CACNA1G: variants seen among roughly 807,000 people sequenced by gnomAD.
The protein encoded by CACNA1G is voltage-dependent T-type calcium channel subunit alpha-1G.
A neutral mutation model predicts 219.4 loss-of-function variants in CACNA1G; 67 were observed. The ratio of observed to expected loss-of-function variants is 0.31; its 90% CI spans 0.25 to 0.37. The LOEUF (loss-of-function observed/expected upper bound fraction) is 0.37. Among genes scored for constraint, CACNA1G ranks in the 10% least tolerant of loss-of-function variants. The pLI is 1.00. For synonymous variants in CACNA1G, 1,296 were observed against 1,345.3 expected (o/e 0.96, Z 0.80); for missense variants, 2,380 against 3,231.4 (o/e 0.74, Z 6.39).
chr17:50,622,004 T>C (rs1567782548), intron 35 of CACNA1G, among the ~76,000 whole-genome samples: 1 of 152,054 alleles, frequency 6.6e-6, no homozygotes, highest in Non-Finnish European at 1.5e-5. Flanking sequence ...AGAGATTAGA[T>C]AAGTTTAAAT....
rs759299621 is a variant in CACNA1G, at chr17:50,596,519, A to G, written c.2980-43A>G. 3 of 1,561,102 alleles carry G rather than the reference A, an allele frequency of 1.9e-6. No individual in the cohort carries two copies. The African/African-American group carries it at 4.1e-5, about 21-fold the overall frequency. ...AGGCCCGGTCCATCCCAACCACCCA[A>G]GCCTGGCCGGATCCCTAATGGTCCG... On this transcript the variant is annotated intron_variant, in intron 14 of 37. Transcript: ENST00000359106. The surrounding 1 kb of genome is among the most constrained non-coding windows in gnomAD (Gnocchi z 4.8).
Position 50,603,316 on chromosome 17 carries a change from C to A in CACNA1G, c.4169+117C>A. The A allele has an allele frequency of 1.2e-6, 1 of 858,250 alleles. No homozygotes were observed. Among genetic ancestry groups the A allele is most frequent in the Non-Finnish European group, 1.8e-6 (1 of 558,196 alleles). 53.2% of individuals were successfully genotyped at this position (858,250 alleles called of 1,614,324 possible). A position where few individuals can be genotyped will look rare whatever the true frequency, so the allele number is the denominator to read the frequency against. ...AAGCCTGCACAGGCCAGCATCCTGTCTGTGACCCCCACAGGCGATCCTGTC... is the reference window on the plus strand; with the variant it reads ...AAGCCTGCACAGGCCAGCATCCTGTATGTGACCCCCACAGGCGATCCTGTC... On this transcript the variant is annotated intron_variant, in intron 21 of 37. Transcript: ENST00000359106. This position sits in a 1 kb window ranked among gnomAD's most constrained non-coding sequence, Gnocchi z 6.4.
rs956176004 is a variant in CACNA1G, at chr17:50,603,616, G to A, written c.4169+417G>A. On this transcript the variant is annotated intron_variant, in intron 21 of 37. Coordinates refer to ENST00000359106, the MANE Select transcript of CACNA1G (RefSeq NM_018896.5). The surrounding 1 kb of genome is among the most constrained non-coding windows in gnomAD (Gnocchi z 6.4). ...TTGCTGGCTTTCCCCATCTTCAGGC[G>A]CCTGCCAGTGACCACCCCCCGGTGA... Among the ~76,000 whole-genome samples the A allele has an allele frequency of 6.6e-6, 1 of 151,840 alleles. No individual in the cohort carries two copies. The highest frequency in any genetic ancestry group is 1.5e-5 in the Non-Finnish European group (1 of 67,990).
rs1456561170 is a variant in CACNA1G at position 50,624,263 on chromosome 17, G to T, written c.6230-97G>T. On this transcript the variant is annotated intron_variant, in intron 36 of 37. Transcript: ENST00000359106. ...AGGGTAGAGGCCCTGATGAGGGGGA[G>T]AGAGTGGAAGGGAGGGCTCAGGTGA... 8 of 1,273,628 alleles carry T rather than the reference G, an allele frequency of 6.3e-6. No homozygotes were observed. In the East Asian group the frequency reaches 2.0e-4, roughly 32 times the overall value. The allele number at this position is 1,273,628 out of a possible 1,614,324, so 78.9% of individuals were successfully genotyped here. A position where few individuals can be genotyped will look rare whatever the true frequency, so the allele number is the denominator to read the frequency against.
chr17:50,622,155 C>G (rs533251122), intron 35 of CACNA1G, among the ~76,000 whole-genome samples: 1 of 151,926 alleles, frequency 6.6e-6, no homozygotes, highest in African/African-American at 2.4e-5. Flanking sequence ...GCCAGCCCTC[C>G]CTGTGCCTGT....
rs753909559 is a variant in CACNA1G at position 50,618,919 on chromosome 17, C to T, written c.5692C>T (p.Pro1898Ser). Residue 1898 changes from proline to serine, a missense_variant, in exon 33 of 38, where the codon CCC (proline) becomes TCC (serine). By Grantham distance (74) the Pro-to-Ser change is moderately conservative (BLOSUM62 -1). Transcript: ENST00000359106. This position sits in a 1 kb window ranked among gnomAD's most constrained non-coding sequence, Gnocchi z 5.3. The stretch of plus-strand genomic sequence containing the variant: ...CTTCCTCTGGCCTGGGGTCGAGGGC[C>T]CCGACAGCCCCGACAGCCCCAAGCC... ...SPFLWPGVEG[P>S]DSPDSPKPGA... The T allele has an allele frequency of 1.7e-5, 27 of 1,601,354 alleles. No individual in the cohort carries two copies. The African/African-American group carries it at 2.4e-4, about 14-fold the overall frequency.
rs767819939 is a variant in CACNA1G, at chr17:50,575,648, T to C, written c.1246T>C (p.Phe416Leu). 2.5e-6 allele frequency: 4 copies of C among 1,613,670 alleles called. No individual in the cohort carries two copies. Among genetic ancestry groups the C allele is most frequent in the Non-Finnish European group, 3.4e-6 (4 of 1,179,838 alleles). The change falls in exon 8 of 38, where the codon TTC (phenylalanine) becomes CTC (leucine). Residue 416 changes from phenylalanine to leucine, a missense_variant. Physicochemically the swap from Phe to Leu is conservative, Grantham distance 22 (BLOSUM62 0). Coordinates refer to ENST00000359106, the MANE Select transcript of CACNA1G (RefSeq NM_018896.5). ...SQLMREQRVR[F>L]LSNASTLASF... ...GCTGATGCGGGAGCAGCGTGTGCGG[T>C]TCCTGTCCAACGCCAGCACCCTGGC...
chr17:50,575,834 C>G lies in CACNA1G; in HGVS notation c.1432C>G (p.Pro478Ala). The change falls in exon 8 of 38, where the codon CCC becomes GCC. Residue 478 changes from proline (P) to alanine (A), a missense_variant. Physicochemically the swap from Pro to Ala is conservative, Grantham distance 27. Transcript: ENST00000359106. Reference protein sequence around the residue: ...PAPLGGQETQPSSSCSRSHRR... With the variant: ...PAPLGGQETQASSSCSRSHRR... ...ACCCCTCGGGGGCCAGGAGACCCAGCCCAGCAGCAGCTGCTCTCGCTCCCA... is the reference window on the plus strand; with the variant it reads ...ACCCCTCGGGGGCCAGGAGACCCAGGCCAGCAGCAGCTGCTCTCGCTCCCA... 4 of 1,550,246 alleles carry G rather than the reference C, an allele frequency of 2.6e-6. No individual in the cohort carries two copies. Among genetic ancestry groups the G allele is most frequent in the Non-Finnish European group, 3.5e-6 (4 of 1,147,242 alleles).
chr17:50,619,864 G>T lies in CACNA1G; in HGVS notation c.5925+38G>T, dbSNP rs773328324. On this transcript the variant is annotated intron_variant, in intron 34 of 37. Transcript: ENST00000359106. ...CTGTGCTGTGCCCTCTCCCCTGACC[G>T]TGCTGGGCTGTGCCACGCTGTGCCA... The T allele has an allele frequency of 1.4e-5, 21 of 1,552,050 alleles. No individual in the cohort carries two copies. The South Asian group carries it at 2.4e-4, about 18-fold the overall frequency.
At chr17:50,567,295 A>C (rs1298755843) in intron 1 of CACNA1G, among the ~76,000 whole-genome samples, 1 of 152,048 alleles carries the variant, frequency 6.6e-6, no homozygotes, top group Non-Finnish European at 1.5e-5. Context: ...ACTGCAGTGC[A>C]TTAGGACTCT....
At chr17:50,613,849 C>T (rs55768061) in intron 26 of CACNA1G, among the ~76,000 whole-genome samples, 9,661 of 152,048 alleles carry the variant, frequency 0.064, 324 homozygotes, top group African/African-American at 0.088. Flanking sequence ...TCCACCATCG[C>T]GGTGTGGATG....
chr17:50,607,738 G>A (rs544923975), intron 24 of CACNA1G, 89 bp from the exon 25 acceptor site: 91 of 1,088,642 alleles, frequency 8.4e-5, no homozygotes, highest in Non-Finnish European at 1.3e-4. Flanking sequence ...GTAGCTATTT[G>A]GGTTCGCAGG....
Position 50,605,756 on chromosome 17 carries a change from T to C in CACNA1G, c.4297-142T>C, listed in dbSNP as rs910909912. The C allele has an allele frequency of 4.8e-5, 39 of 812,652 alleles. No homozygotes were observed. The African/African-American group carries it at 6.0e-4, about 12-fold the overall frequency. 50.3% of individuals were successfully genotyped at this position (812,652 alleles called of 1,614,324 possible). Reference sequence around the variant, plus strand: ...GGCAGGGGAGACTCTTGTCAGTGTTTCCCTGACTTGACTGGCCCCAGAGCA... The same window carrying C: ...GGCAGGGGAGACTCTTGTCAGTGTTCCCCTGACTTGACTGGCCCCAGAGCA... On this transcript the variant is annotated intron_variant, in intron 22 of 37. Transcript: ENST00000359106.
In CACNA1G at chr17:50,561,300, G is replaced by A. The variant is rs1364955562; in HGVS notation, c.-160G>A. The A allele has an allele frequency of 7.5e-6, 6 of 796,800 alleles. No individual in the cohort carries two copies. In the South Asian group the frequency reaches 9.4e-5, roughly 12 times the overall value. The allele number at this position is 796,800 out of a possible 1,614,324, so 49.4% of individuals were successfully genotyped here. On this transcript the variant is annotated 5_prime_UTR_variant, in exon 1 of 38. Transcript: ENST00000359106. ...CGCGGGCAGCATGCCCCTGCGGGCAGGGGGAGCTGGGCTGAACTGGCCCTC... is the reference window on the plus strand; with the variant it reads ...CGCGGGCAGCATGCCCCTGCGGGCAAGGGGAGCTGGGCTGAACTGGCCCTC...
intron 9 of CACNA1G, among the ~76,000 whole-genome samples, chr17:50,587,967 G>A (rs1411447533): frequency 2.0e-5 from 3 of 152,096 alleles, no homozygotes; most frequent in Non-Finnish European, 4.4e-5. Context: ...CCTTCTCCAC[G>A]CACAGTAGTA....
rs752419003 is a variant in CACNA1G at position 50,616,294 on chromosome 17, A to G, written c.4931A>G (p.Lys1644Arg). The change falls in exon 28 of 38, where the codon AAG becomes AGG. Residue 1644 changes from lysine (K) to arginine (R), a missense_variant. This residue lies in a region of CACNA1G where 123 missense variants were observed against 258.4 expected (regional missense o/e 0.48). Transcript: ENST00000359106. ...QQPQILDEAL[K>R]ICNYIFTVIF... ...TGCCAGATTCTGGATGAGGCTCTGAAGATCTGCAACTACATCTTCACTGTC... is the reference window on the plus strand; with the variant it reads ...TGCCAGATTCTGGATGAGGCTCTGAGGATCTGCAACTACATCTTCACTGTC... 45 of 1,613,042 alleles carry G rather than the reference A, an allele frequency of 2.8e-5. No individual in the cohort carries two copies. The highest frequency in any genetic ancestry group is 3.7e-5 in the Non-Finnish European group (44 of 1,179,042).
intron 1 of CACNA1G, 47 bp from the exon 2 acceptor site, chr17:50,568,823 C>T (rs780270721): frequency 1.1e-5 from 17 of 1,498,900 alleles, no homozygotes; most frequent in Non-Finnish European, 1.3e-5. Flanking sequence ...GTCGGGGGGC[C>T]GGCCTCAGCT....
intron 1 of CACNA1G, among the ~76,000 whole-genome samples, chr17:50,562,407 G>T (rs906589353): frequency 3.9e-5 from 6 of 152,306 alleles, no homozygotes; most frequent in African/African-American, 1.2e-4. Flanking sequence ...AGAACAAGAT[G>T]TGGTGGAGGG....
Position 50,578,153 on chromosome 17 carries a change from C to T in CACNA1G, c.1925-35C>T, listed in dbSNP as rs778996666. ...GGGCAGGGTAGCCCCAGGTACGAGACTCTGGAGCCTCTCACCTCTACTCTC... is the reference window on the plus strand; with the variant it reads ...GGGCAGGGTAGCCCCAGGTACGAGATTCTGGAGCCTCTCACCTCTACTCTC... On this transcript the variant is annotated intron_variant, in intron 8 of 37. Transcript: ENST00000359106. This position sits in a 1 kb window ranked among gnomAD's most constrained non-coding sequence, Gnocchi z 4.5. The T allele has an allele frequency of 2.0e-6, 3 of 1,513,472 alleles. No homozygotes were observed. Among genetic ancestry groups the T allele is most frequent in the Non-Finnish European group, 2.6e-6 (3 of 1,133,878 alleles). The allele number at this position is 1,513,472 out of a possible 1,614,324, so 93.8% of individuals were successfully genotyped here. A position where few individuals can be genotyped will look rare whatever the true frequency, so the allele number is the denominator to read the frequency against.
Sources: allele counts gnomAD v4.1 joint callset (sites outside exome capture counted in the v4.1 genomes callset), GRCh38; gene constraint gnomAD v4.1.1; regional missense constraint gnomAD v4.1.1; non-coding constraint Gnocchi (gnomAD v3.1); transcripts MANE v1.5; gene names NCBI Gene and HGNC (gene_info 2026-07-23, HGNC 2026-07-21).